ICAM5: variants seen among roughly 807,000 people sequenced by gnomAD.
ICAM5 encodes ICAM-5.
Under a neutral mutation model 78.8 loss-of-function variants are expected in ICAM5, and 38 were observed. That is an observed-to-expected ratio of 0.48 (90% CI 0.37 to 0.63). The LOEUF (loss-of-function observed/expected upper bound fraction) is 0.63, where lower values mean the gene tolerates loss of function less well. ICAM5 is among the 30% of genes least tolerant of loss of function. The pLI is 0.00. For synonymous variants in ICAM5, 544 were observed against 590.9 expected, an observed-to-expected ratio of 0.92 and a Z score of 1.15; for missense variants, 1,059 against 1,303.0, an observed-to-expected ratio of 0.81 and a Z score of 2.88.
In ICAM5 at chr19:10,291,818, G is replaced by T; in HGVS notation, c.673+9G>T. 1.9e-6 allele frequency: 3 copies of T among 1,604,740 alleles called. No homozygotes were observed. The highest frequency in any genetic ancestry group is 2.6e-6 in the Non-Finnish European group (3 of 1,175,950). On this transcript the variant is annotated intron_variant, in intron 3 of 10. Transcript: ENST00000221980. ...AGAGCTCCGAACCTTCTGTGAGTGGGTGTGGGGAGGAGATGGGGACCCAGT... is the reference window on the plus strand; with the variant it reads ...AGAGCTCCGAACCTTCTGTGAGTGGTTGTGGGGAGGAGATGGGGACCCAGT...
intron 9 of ICAM5, 128 bp from the exon 10 acceptor site, chr19:10,295,218 G>T: frequency 1.9e-6 from 2 of 1,049,872 alleles, no homozygotes; most frequent in East Asian, 5.6e-5. Context: ...GGCTCTGATA[G>T]GAGGCAGGAT....
rs779366879 is a variant in ICAM5, at chr19:10,291,746, C to T, written c.610C>T (p.Leu204=). Residue 204 remains leucine, a synonymous_variant, in exon 3 of 11, where the codon CTG becomes TTG. Coordinates refer to ENST00000221980, the MANE Select transcript of ICAM5 (RefSeq NM_003259.4). ...ANFSCRAELD[L]RPHGLGLFEN... is the part of the protein sequence containing the mutation. Reference sequence around the variant, plus strand: ...TTTCTCGTGTCGCGCCGAGCTGGACCTGCGGCCGCACGGACTGGGACTGTT... The same window carrying T: ...TTTCTCGTGTCGCGCCGAGCTGGACTTGCGGCCGCACGGACTGGGACTGTT... 2.7e-5 allele frequency: 44 copies of T among 1,612,748 alleles called. No homozygotes were observed. The South Asian group carries it at 4.7e-4, about 17-fold the overall frequency.
Position 10,296,411 on chromosome 19 carries a change from CCTT to C in ICAM5, c.2573_2575del (p.Phe858del). The C allele has an allele frequency of 7.7e-7, 1 of 1,291,794 alleles. No individual in the cohort carries two copies. The highest frequency in any genetic ancestry group is 3.2e-5 in the East Asian group (1 of 31,354). 80.0% of individuals were successfully genotyped at this position (1,291,794 alleles called of 1,614,324 possible). On this transcript the variant is annotated inframe_deletion, in exon 11 of 11. Transcript: ENST00000221980. Reference sequence around the variant, plus strand: ...CTGCTGGCCGCGGGGGCCGGCCTGGCCTTCTACGTGCAGTCCACCGCCTGCAAG... The same window carrying C: ...CTGCTGGCCGCGGGGGCCGGCCTGGCCTACGTGCAGTCCACCGCCTGCAAG...
Position 10,293,603 on chromosome 19 carries a change from C to T in ICAM5, c.1466-95C>T. 2.7e-6 allele frequency: 4 copies of T among 1,501,144 alleles called. No homozygotes were observed. Among genetic ancestry groups the T allele is most frequent in the Non-Finnish European group, 3.6e-6 (4 of 1,108,628 alleles). The allele number at this position is 1,501,144 out of a possible 1,614,324, so 93.0% of individuals were successfully genotyped here. ...TCGGCGTCCAAGGGTTATGCAGGGA[C>T]AACACTTCGTGGAAGCCTTGCCGCG... On this transcript the variant is annotated intron_variant, in intron 6 of 10. Transcript: ENST00000221980. This position sits in a 1 kb window ranked among gnomAD's most constrained non-coding sequence, Gnocchi z 5.0.
Position 10,294,719 on chromosome 19 carries a change from C to T in ICAM5, c.2230+79C>T, listed in dbSNP as rs1487634447. 5.7e-6 allele frequency: 9 copies of T among 1,588,876 alleles called. No homozygotes were observed. Among genetic ancestry groups the T allele is most frequent in the South Asian group, 1.1e-5 (1 of 88,992 alleles). On this transcript the variant is annotated intron_variant, in intron 9 of 10. Transcript: ENST00000221980. This position sits in a 1 kb window ranked among gnomAD's most constrained non-coding sequence, Gnocchi z 7.7. The stretch of plus-strand genomic sequence containing the variant: ...GCAGCGGTGGGAGCATTCAAGGGCA[C>T]CTCTCCCAATCCCATTCTCGGGGAC...
Position 10,291,260 on chromosome 19 carries a change from C to A in ICAM5, c.271C>A (p.Arg91Ser), listed in dbSNP as rs749793668. 2 of 1,612,434 alleles carry A rather than the reference C, an allele frequency of 1.2e-6. No homozygotes were observed. The highest frequency in any genetic ancestry group is 3.3e-5 in the Admixed American group (2 of 60,018). Residue 91 changes from arginine (R) to serine (S), a missense_variant, in exon 2 of 11, where the codon CGC becomes AGC. Physicochemically the swap from Arg to Ser is moderately radical, Grantham distance 110 (BLOSUM62 -1). Around this residue, in one of 3 missense-constraint regions of ICAM5, gnomAD observed 815 missense variants for 952.8 expected, o/e 0.86. Transcript: ENST00000221980. ...GTTGGCGCGGCAGCTGGTGGACATTCGCGAGCCGGAGACTCAGCCCGTCTG... is the reference window on the plus strand; with the variant it reads ...GTTGGCGCGGCAGCTGGTGGACATTAGCGAGCCGGAGACTCAGCCCGTCTG... Reference protein sequence around the residue: ...RWLARQLVDIREPETQPVCFF... With the variant: ...RWLARQLVDISEPETQPVCFF...
Position 10,296,593 on chromosome 19 carries a change from G to T in ICAM5, c.2752G>T (p.Ala918Ser), listed in dbSNP as rs1430540956. ...AESPAEGEVF[A>S]IQLTSA is the part of the protein sequence containing the mutation. Reference sequence around the variant, plus strand: ...GTCGCCGGCGGAGGGCGAGGTCTTCGCCATACAGCTGACATCGGCGTGAGC... The same window carrying T: ...GTCGCCGGCGGAGGGCGAGGTCTTCTCCATACAGCTGACATCGGCGTGAGC... Residue 918 changes from alanine (A) to serine (S), a missense_variant, in exon 11 of 11, where the codon GCC (alanine) becomes TCC (serine). Transcript: ENST00000221980. 10 of 1,215,006 alleles carry T rather than the reference G, an allele frequency of 8.2e-6. No individual in the cohort carries two copies. Among genetic ancestry groups the T allele is most frequent in the Admixed American group, 4.4e-5 (1 of 22,774 alleles). The allele number at this position is 1,215,006 out of a possible 1,614,324, so 75.3% of individuals were successfully genotyped here. A position where few individuals can be genotyped will look rare whatever the true frequency, so the allele number is the denominator to read the frequency against.
rs2040162348 is a variant in ICAM5 at position 10,290,476 on chromosome 19, G to T, written c.82+351G>T. ...ATCTTCCCCACTCGCGGTCCGCGAA[G>T]ACTCCATCTCTCCAACTACCCTGAC... is the stretch of plus-strand genomic sequence containing the variant. On this transcript the variant is annotated intron_variant, in intron 1 of 10. Transcript: ENST00000221980. The surrounding 1 kb of genome is among the most constrained non-coding windows in gnomAD (Gnocchi z 5.7). 5 of 262,988 alleles carry T rather than the reference G, an allele frequency of 1.9e-5. No individual in the cohort carries two copies. In the East Asian group the frequency reaches 2.8e-4, roughly 15 times the overall value. 16.3% of individuals were successfully genotyped at this position (262,988 alleles called of 1,614,324 possible).
In ICAM5 at chr19:10,292,113, T is replaced by G. The variant is rs2040178135; in HGVS notation, c.752T>G (p.Leu251Arg). 1.2e-6 allele frequency: 2 copies of G among 1,613,416 alleles called. No homozygotes were observed. Among genetic ancestry groups the G allele is most frequent in the African/African-American group, 2.7e-5 (2 of 75,050 alleles). ...TCGGAAAGGCCCGTGAGCTGCACTC[T>G]GGACGGACTGTTTCCAGCCTCAGAG... ...VGSERPVSCT[L>R]DGLFPASEAR... The change falls in exon 4 of 11, where the codon CTG becomes CGG. Residue 251 changes from leucine (L) to arginine (R), a missense_variant. Physicochemically the swap from Leu to Arg is moderately radical, Grantham distance 102 (BLOSUM62 -2). Coordinates refer to ENST00000221980, the MANE Select transcript of ICAM5 (RefSeq NM_003259.4).
Position 10,294,235 on chromosome 19 carries a change from G to C in ICAM5, c.1907G>C (p.Arg636Thr). ...AGTCCCAGAGCTCCCAGAATCCCTA[G>C]AGTCCTGGCACCCGGTATCTACGTC... ...DPSPRAPRIPRVLAPGIYVCN... is the reference protein window; with the variant it reads ...DPSPRAPRIPTVLAPGIYVCN... Residue 636 changes from arginine to threonine, a missense_variant, in exon 8 of 11, where the codon AGA becomes ACA. By Grantham distance (71) the Arg-to-Thr change is moderately conservative. Coordinates refer to ENST00000221980, the MANE Select transcript of ICAM5 (RefSeq NM_003259.4). The surrounding 1 kb of genome is among the most constrained non-coding windows in gnomAD (Gnocchi z 7.7). The C allele has an allele frequency of 1.2e-6, 2 of 1,614,010 alleles. No homozygotes were observed. Among genetic ancestry groups the C allele is most frequent in the Non-Finnish European group, 1.7e-6 (2 of 1,180,008 alleles).
In ICAM5 at chr19:10,291,754, G is replaced by C. The variant is rs115870389; in HGVS notation, c.618G>C (p.Pro206=). ...FSCRAELDLR[P]HGLGLFENSS... ...GTCGCGCCGAGCTGGACCTGCGGCC[G>C]CACGGACTGGGACTGTTTGAAAACA... Residue 206 remains proline, a synonymous_variant, in exon 3 of 11, where the codon CCG becomes CCC. Transcript: ENST00000221980. 2.5e-6 allele frequency: 4 copies of C among 1,612,688 alleles called. No homozygotes were observed. The Admixed American group carries it at 6.7e-5, about 27-fold the overall frequency.
Position 10,294,535 on chromosome 19 carries a change from T to C in ICAM5, c.2125T>C (p.Trp709Arg), listed in dbSNP as rs777140585. 13 of 1,609,974 alleles carry C rather than the reference T, an allele frequency of 8.1e-6. No homozygotes were observed. Among genetic ancestry groups the C allele is most frequent in the Middle Eastern group, 3.3e-4 (2 of 6,060 alleles). The change falls in exon 9 of 11, where the codon TGG (tryptophan) becomes CGG (arginine). Residue 709 changes from tryptophan to arginine, a missense_variant. Around this residue, in one of 3 missense-constraint regions of ICAM5, gnomAD observed 135 missense variants for 230.2 expected, o/e 0.59. Transcript: ENST00000221980. The surrounding 1 kb of genome is among the most constrained non-coding windows in gnomAD (Gnocchi z 7.7). Reference protein sequence around the residue: ...GVRCSREGIPWPEQQRVSRED... With the variant: ...GVRCSREGIPRPEQQRVSRED... ...GCGCTGCTCTCGGGAAGGCATCCCATGGCCTGAGCAGCAGCGCGTGTCCCG... is the reference window on the plus strand; with the variant it reads ...GCGCTGCTCTCGGGAAGGCATCCCACGGCCTGAGCAGCAGCGCGTGTCCCG...
Position 10,292,991 on chromosome 19 carries a change from C to G in ICAM5, c.1217-7C>G. 6.2e-7 allele frequency: 1 copy of G among 1,611,056 alleles called. No homozygotes were observed. Among genetic ancestry groups the G allele is most frequent in the Non-Finnish European group, 8.5e-7 (1 of 1,179,956 alleles). ...TAAGCCTCTGTAACCCCACGCCCTG[C>G]CCGCAGACGCTCCCCGGCTAGACGA... On this transcript the variant is annotated splice_polypyrimidine_tract_variant and splice_region_variant and intron_variant, in intron 5 of 10. Coordinates refer to ENST00000221980, the MANE Select transcript of ICAM5 (RefSeq NM_003259.4).
intron 4 of ICAM5, 36 bp downstream of exon 4, chr19:10,292,358 T>C (rs2040180860): frequency 6.5e-7 from 1 of 1,548,276 alleles, no homozygotes; most frequent in Non-Finnish European, 8.7e-7. Context: ...GGCTCCGAGG[T>C]GGGACCAGAG....
chr19:10,294,489 G>A lies in ICAM5; in HGVS notation c.2079G>A (p.Arg693=), dbSNP rs777107358. 1 of 1,607,360 alleles carries A rather than the reference G, an allele frequency of 6.2e-7. No homozygotes were observed. Residue 693 remains arginine (R), a synonymous_variant, in exon 9 of 11, where the codon CGG becomes CGA. Coordinates refer to ENST00000221980, the MANE Select transcript of ICAM5 (RefSeq NM_003259.4). This position sits in a 1 kb window ranked among gnomAD's most constrained non-coding sequence, Gnocchi z 7.7. ...CTTCCGCGCTGGCCTGCGCCGCCCG[G>A]GGTCGCCCTTCCCCAGGAGTGCGCT... is the stretch of plus-strand genomic sequence containing the variant. ...AEASALACAA[R]GRPSPGVRCS...
rs200293534 is a variant in ICAM5 at position 10,291,520 on chromosome 19, G to A, written c.384G>A (p.Leu128=). ...QRPDRVELMP[L]PPWQPVGENF... ...CAGATCGCGTAGAGCTGATGCCGCT[G>A]CCTCCCTGGCAGCCGGTGGGCGAGA... Residue 128 remains leucine, a synonymous_variant, in exon 3 of 11, where the codon CTG becomes CTA. Transcript: ENST00000221980. 7 of 1,612,572 alleles carry A rather than the reference G, an allele frequency of 4.3e-6. No homozygotes were observed. The East Asian group carries it at 1.6e-4, about 36-fold the overall frequency.
Position 10,293,190 on chromosome 19 carries a change from G to T in ICAM5, c.1409G>T (p.Cys470Phe). 3 of 1,609,676 alleles carry T rather than the reference G, an allele frequency of 1.9e-6. No homozygotes were observed. Among genetic ancestry groups the T allele is most frequent in the Non-Finnish European group, 2.5e-6 (3 of 1,178,286 alleles). The change falls in exon 6 of 11, where the codon TGC becomes TTC. Residue 470 changes from cysteine to phenylalanine, a missense_variant. By Grantham distance (205) the Cys-to-Phe change is radical. Coordinates refer to ENST00000221980, the MANE Select transcript of ICAM5 (RefSeq NM_003259.4). This position sits in a 1 kb window ranked among gnomAD's most constrained non-coding sequence, Gnocchi z 5.0. ...CGGGCGCTCTCAGGCACTTACCGCT[G>T]CAAGGCGGCCAATGATCAAGGCGAG... ...VTRALSGTYR[C>F]KAANDQGEAV... is the part of the protein sequence containing the mutation.
Position 10,292,023 on chromosome 19 carries a change from T to C in ICAM5, c.674-12T>C. The stretch of plus-strand genomic sequence containing the variant: ...CTCGGAGTTAGTTCAAACTTGGTTC[T>C]TCGACCCCTAGCCCTGTCTCCGGAT... On this transcript the variant is annotated splice_polypyrimidine_tract_variant and intron_variant, in intron 3 of 10. Transcript: ENST00000221980. 6.2e-7 allele frequency: 1 copy of C among 1,608,636 alleles called. No homozygotes were observed. Among genetic ancestry groups the C allele is most frequent in the Non-Finnish European group, 8.5e-7 (1 of 1,176,452 alleles).
At chr19:10,295,837 C>T (rs541707298) in intron 10 of ICAM5, among the ~76,000 whole-genome samples, 2 of 152,264 alleles carry the variant, frequency 1.3e-5, no homozygotes, top group African/African-American at 4.8e-5. Flanking sequence ...AGGGACCCTC[C>T]GGGGCTGTCA....
Sources: allele counts gnomAD v4.1 joint callset (sites outside exome capture counted in the v4.1 genomes callset), GRCh38; gene constraint gnomAD v4.1.1; regional missense constraint gnomAD v4.1.1; non-coding constraint Gnocchi (gnomAD v3.1); transcripts MANE v1.5; gene names NCBI Gene and HGNC (gene_info 2026-07-23, HGNC 2026-07-21).